Variants in STAC observed in about 807,000 individuals in gnomAD.
The protein encoded by STAC is SH3 and cysteine-rich domain-containing protein.
In STAC, 43 loss-of-function variants were observed where a neutral mutation model predicts 48.8. That is an observed-to-expected ratio of 0.88 (90% CI 0.69 to 1.14). STAC has a LOEUF of 1.14. Among genes scored for constraint, STAC ranks in the 50% most tolerant of loss-of-function variants. The pLI is 0.00. For synonymous variants in STAC, 193 were observed against 179.5 expected (o/e 1.07, Z -0.60); for missense variants, 497 against 504.0 (o/e 0.99, Z 0.13).
intron 6 of STAC, among the ~76,000 whole-genome samples, chr3:36,500,990 G>A (rs539999297): frequency 3.9e-5 from 6 of 152,270 alleles, no homozygotes; most frequent in Non-Finnish European, 7.4e-5. Flanking sequence ...TACTGTGGAA[G>A]CTTAGGGGGA....
intron 10 of STAC, among the ~76,000 whole-genome samples, chr3:36,530,870 T>C (rs1400529249): frequency 6.6e-6 from 1 of 152,164 alleles, no homozygotes; most frequent in African/African-American, 2.4e-5. Flanking sequence ...AGTGCTGGGA[T>C]TACAGGCGTG....
In STAC at chr3:36,528,925, A is replaced by ATG. The variant is rs1225879471; in HGVS notation, c.1054_1055dup (p.Arg353LeufsTer13). 3 of 1,613,710 alleles carry ATG rather than the reference A, an allele frequency of 1.9e-6. No individual in the cohort carries two copies. Among genetic ancestry groups the ATG allele is most frequent in the Non-Finnish European group, 2.5e-6 (3 of 1,179,872 alleles). The stretch of plus-strand genomic sequence containing the variant: ...TACAACAAAATGAGAAGATTTTTAG[A>ATG]TGTGTTAGAACCTTCATTGGGTGTA... On this transcript the variant is annotated frameshift_variant, in exon 10 of 11. Transcript: ENST00000273183. LOFTEE classifies it high-confidence loss of function.
At chr3:36,396,613 A>G (rs983808991) in intron 1 of STAC, among the ~76,000 whole-genome samples, 7 of 152,186 alleles carry the variant, frequency 4.6e-5, no homozygotes, top group African/African-American at 7.2e-5. Context: ...AAATGTTCCA[A>G]GCATTTTTCC....
chr3:36,443,311 G>A lies in STAC; in HGVS notation c.112-53G>A. 2 of 1,604,688 alleles carry A rather than the reference G, an allele frequency of 1.2e-6. No homozygotes were observed. Among genetic ancestry groups the A allele is most frequent in the Non-Finnish European group, 1.7e-6 (2 of 1,175,418 alleles). ...CAGCAGACCTTACCCCCACAGCCTAGGTCTGCTTGATCCATTGATCGTAAG... is the reference window on the plus strand; with the variant it reads ...CAGCAGACCTTACCCCCACAGCCTAAGTCTGCTTGATCCATTGATCGTAAG... On this transcript the variant is annotated intron_variant, in intron 1 of 10. Coordinates refer to ENST00000273183, the MANE Select transcript of STAC (RefSeq NM_003149.3). This position sits in a 1 kb window ranked among gnomAD's most constrained non-coding sequence, Gnocchi z 4.2.
intron 2 of STAC, among the ~76,000 whole-genome samples, chr3:36,452,932 T>C (rs1696725619): frequency 6.6e-6 from 1 of 152,214 alleles, no homozygotes; most frequent in African/African-American, 2.4e-5. Flanking sequence ...ACAAGCCTTC[T>C]GGTGCTCTCC....
intron 2 of STAC, among the ~76,000 whole-genome samples, chr3:36,457,333 A>C (rs1696882441): frequency 6.6e-6 from 1 of 152,226 alleles, no homozygotes; most frequent in Non-Finnish European, 1.5e-5. Context: ...TTAAAATGAG[A>C]GCAGAAATAA....
At chr3:36,512,842 A>T (rs1698576574) in intron 8 of STAC, among the ~76,000 whole-genome samples, 1 of 152,174 alleles carries the variant, frequency 6.6e-6, no homozygotes, top group Non-Finnish European at 1.5e-5. Flanking sequence ...CAGGCACTTG[A>T]TTTAGAATGT....
In STAC at chr3:36,443,270, G is replaced by A; in HGVS notation, c.112-94G>A. ...CCTCAAGACGGAGGGTGTCAGTGGG[G>A]ACTGTGTAGTGCACACAGCAGACCT... On this transcript the variant is annotated intron_variant, in intron 1 of 10. Transcript: ENST00000273183. The surrounding 1 kb of genome is among the most constrained non-coding windows in gnomAD (Gnocchi z 4.2). 2 of 1,416,180 alleles carry A rather than the reference G, an allele frequency of 1.4e-6. No individual in the cohort carries two copies. Among genetic ancestry groups the A allele is most frequent in the Non-Finnish European group, 1.9e-6 (2 of 1,028,164 alleles). 87.7% of individuals were successfully genotyped at this position (1,416,180 alleles called of 1,614,324 possible).
At chr3:36,440,885 G>A (rs1221540053) in intron 1 of STAC, among the ~76,000 whole-genome samples, 1 of 152,068 alleles carries the variant, frequency 6.6e-6, no homozygotes, top group South Asian at 2.1e-4. Flanking sequence ...CACACTTATG[G>A]AGACCCTTAT....
intron 2 of STAC, among the ~76,000 whole-genome samples, chr3:36,455,913 A>G (rs1696842314): frequency 6.6e-6 from 1 of 152,236 alleles, no homozygotes; most frequent in African/African-American, 2.4e-5. Context: ...CAAAGCAAGT[A>G]TCATTCTATC....
chr3:36,398,296 AAAG>A (rs1699895329), intron 1 of STAC, among the ~76,000 whole-genome samples: 1 of 92,240 alleles, frequency 1.1e-5, no homozygotes, highest in Admixed American at 1.2e-4. Flanking sequence ...GTATGTTAAA[AAAG>A]AAAGAAAGAA....
intron 2 of STAC, among the ~76,000 whole-genome samples, chr3:36,462,298 A>T (rs1240129741): frequency 6.6e-6 from 1 of 151,916 alleles, no homozygotes; most frequent in Admixed American, 6.6e-5. Context: ...CATTGGGGGA[A>T]AATTCAGTGT....
chr3:36,473,393 G>C (rs1308815960), intron 2 of STAC, among the ~76,000 whole-genome samples: 1 of 152,130 alleles, frequency 6.6e-6, no homozygotes, highest in African/African-American at 2.4e-5. Context: ...TAAAGAATCT[G>C]GAAATCATGA....
Position 36,505,699 on chromosome 3 carries a change from T to C in STAC, c.832-47T>C, listed in dbSNP as rs767026391. 3.0e-6 allele frequency: 4 copies of C among 1,320,524 alleles called. No homozygotes were observed. The African/African-American group carries it at 5.9e-5, about 19-fold the overall frequency. The allele number at this position is 1,320,524 out of a possible 1,614,324, so 81.8% of individuals were successfully genotyped here. On this transcript the variant is annotated intron_variant, in intron 7 of 10. Coordinates refer to ENST00000273183, the MANE Select transcript of STAC (RefSeq NM_003149.3). ...CTGTTTTCTTTCTTTCCTCTCTCAA[T>C]TTATTTCACCTTTCTTTTCTCATTT...
intron 1 of STAC, among the ~76,000 whole-genome samples, chr3:36,436,583 A>T (rs1700839975): frequency 6.6e-6 from 1 of 152,182 alleles, no homozygotes; most frequent in Admixed American, 6.5e-5. Flanking sequence ...CATAGCTCAA[A>T]CACTCACTGC....
intron 6 of STAC, among the ~76,000 whole-genome samples, chr3:36,502,518 C>G (rs534726057): frequency 5.3e-4 from 81 of 152,172 alleles, no homozygotes; most frequent in Admixed American, 1.6e-3. Flanking sequence ...GAGGGAGATT[C>G]AATACAAAAA....
In STAC at chr3:36,494,123, G is replaced by A. The variant is rs550436814; in HGVS notation, c.766+894G>A. 1.5e-4 allele frequency among the ~76,000 whole-genome samples: 19 copies of A among 128,626 alleles called. 1 individual carries two copies. In the East Asian group the frequency reaches 3.8e-3, roughly 25 times the overall value. The allele number at this position is 128,626 out of a possible 152,430, so 84.4% of individuals were successfully genotyped here. A position where few individuals can be genotyped will look rare whatever the true frequency, so the allele number is the denominator to read the frequency against. ...GCCGAGATCGCGCCACTGCACTCCC[G>A]CCTGGGCCACAGAGCGAGACTCCGT... On this transcript the variant is annotated intron_variant, in intron 6 of 10. Transcript: ENST00000273183.
chr3:36,507,058 G>C (rs1698419539), intron 8 of STAC, among the ~76,000 whole-genome samples: 1 of 152,096 alleles, frequency 6.6e-6, no homozygotes, highest in East Asian at 1.9e-4. Flanking sequence ...ATTGGGTGTG[G>C]GTTTGTCATA....
At chr3:36,492,268 T>C (rs1007255288) in intron 5 of STAC, among the ~76,000 whole-genome samples, 10 of 151,680 alleles carry the variant, frequency 6.6e-5, no homozygotes, top group Non-Finnish European at 1.5e-4. Flanking sequence ...ATCCATTTCA[T>C]GCCACCAGTG....
Sources: gnomAD v4.1 joint callset for allele counts (sites outside exome capture counted in the v4.1 genomes callset) on GRCh38, gnomAD v4.1.1 for gene constraint, Gnocchi (gnomAD v3.1) non-coding constraint, MANE v1.5 for transcripts, NCBI Gene and HGNC (gene_info 2026-07-23, HGNC 2026-07-21) for gene names.